The following GPHN variants were observed in gnomAD, a reference collection of about 807,000 sequenced individuals.
GPHN encodes the protein gephyrin.
In GPHN, 17 loss-of-function variants were observed where a neutral mutation model predicts 95.5. The observed-to-expected ratio is 0.18, with a 90% CI of 0.12 to 0.27. GPHN has a LOEUF of 0.27. Among genes scored for constraint, GPHN ranks in the 10% least tolerant of loss-of-function variants. The pLI, the probability that GPHN is intolerant of heterozygous loss-of-function variation, is 1.00. For synonymous variants in GPHN, 320 were observed against 322.5 expected (o/e 0.99, Z 0.08); for missense variants, 660 against 978.1 (o/e 0.67, Z 4.34).
At chr14:67,011,834 T>TTA (rs375784376) in intron 9 of GPHN, among the ~76,000 whole-genome samples, 19 of 148,076 alleles carry the variant, frequency 1.3e-4, no homozygotes, top group Middle Eastern at 3.6e-3. Context: ...TACACAGATT[T>TTA]TATATATATA....
At chr14:67,130,391 T>C (rs1369257686) in intron 17 of GPHN, among the ~76,000 whole-genome samples, 3 of 152,202 alleles carry the variant, frequency 2.0e-5, no homozygotes, top group African/African-American at 7.2e-5. Flanking sequence ...GTTCCTGCAT[T>C]AATTCAGTTA....
chr14:66,562,608 A>G (rs1180253206), intron 1 of GPHN, among the ~76,000 whole-genome samples: 1 of 152,164 alleles, frequency 6.6e-6, no homozygotes. Context: ...CCTTTTAACC[A>G]AAGAATAATT....
At chr14:67,111,661 T>A (rs2078381409) in intron 14 of GPHN, among the ~76,000 whole-genome samples, 200 bp from the exon 15 acceptor site, 1 of 152,180 alleles carries the variant, frequency 6.6e-6, no homozygotes. Flanking sequence ...AAAAAATTTT[T>A]TATTTATTGG....
intron 4 of GPHN, among the ~76,000 whole-genome samples, chr14:66,846,963 G>T (rs890413458): frequency 1.3e-5 from 2 of 152,014 alleles, no homozygotes; most frequent in Admixed American, 6.6e-5. Flanking sequence ...CTGTCAGAAG[G>T]TTTAGTCATA....
the GPHN span, among the ~76,000 whole-genome samples, chr14:67,629,179 G>GA: frequency 5.3e-5 from 8 of 151,944 alleles, no homozygotes; most frequent in South Asian, 2.1e-4. Flanking sequence ...ACAGTGGGGG[G>GA]AAAAAAATTA....
intron 1 of GPHN, among the ~76,000 whole-genome samples, chr14:66,652,028 A>G (rs2065067956): frequency 6.6e-6 from 1 of 152,152 alleles, no homozygotes; most frequent in South Asian, 2.1e-4. Context: ...ATTGTCTTCC[A>G]TGAAACTAGT....
intron 9 of GPHN, among the ~76,000 whole-genome samples, chr14:66,981,477 A>AT (rs1226551581): frequency 6.6e-6 from 1 of 152,168 alleles, no homozygotes; most frequent in Non-Finnish European, 1.5e-5. Flanking sequence ...TTAAAAAAAA[A>AT]ATCTCTTTCT....
chr14:67,587,020 C>G, the GPHN span: 1 of 1,533,626 alleles, frequency 6.5e-7, no homozygotes, highest in Non-Finnish European at 8.8e-7. Flanking sequence ...GTAAGAAAGC[C>G]AGGATTCAAG....
At chr14:67,693,332 T>C in the GPHN span, among the ~76,000 whole-genome samples, 1 of 152,218 alleles carries the variant, frequency 6.6e-6, no homozygotes, top group African/African-American at 2.4e-5. Flanking sequence ...GGCACCTGGC[T>C]TTGGTTTGAG....
At chr14:67,695,499 C>T in the GPHN span, 2 of 863,578 alleles carry the variant, frequency 2.3e-6, no homozygotes, top group African/African-American at 3.4e-5. Context: ...CTCCAACCCA[C>T]CGAACTCTGG....
intron 3 of GPHN, among the ~76,000 whole-genome samples, chr14:66,819,304 A>G (rs1555414191): frequency 1.3e-5 from 2 of 152,130 alleles, no homozygotes; most frequent in Admixed American, 6.6e-5. Flanking sequence ...TTTTCTGCAT[A>G]TGGCTAGCCA....
the GPHN span, chr14:67,575,430 T>C: frequency 1.9e-6 from 3 of 1,610,472 alleles, no homozygotes; most frequent in South Asian, 1.1e-5. Context: ...GGTGCGCTCT[T>C]GTTGGGAAAA....
the GPHN span, among the ~76,000 whole-genome samples, chr14:67,618,675 G>C: frequency 6.6e-6 from 1 of 152,150 alleles, no homozygotes; most frequent in Non-Finnish European, 1.5e-5. Context: ...GTCACCATGT[G>C]CAGCCAGTTT....
At chr14:66,860,356 A>G (rs1400341054) in intron 4 of GPHN, among the ~76,000 whole-genome samples, 1 of 152,140 alleles carries the variant, frequency 6.6e-6, no homozygotes, top group Non-Finnish European at 1.5e-5. Context: ...GTTTTGCTCT[A>G]GAACAGTATA....
the GPHN span, chr14:67,678,142 C>T: frequency 1.8e-6 from 1 of 545,988 alleles, no homozygotes; most frequent in Admixed American, 3.2e-5. Context: ...CTGGACATGA[C>T]AGACATTTAG....
At chr14:67,659,639 C>T in the GPHN span, 1 of 1,313,696 alleles carries the variant, frequency 7.6e-7, no homozygotes, top group Non-Finnish European at 1.0e-6. Context: ...CTAGTATACA[C>T]TGATAACATG....
At chr14:67,391,423 C>T in the GPHN span, among the ~76,000 whole-genome samples, 2 of 151,870 alleles carry the variant, frequency 1.3e-5, no homozygotes, top group African/African-American at 2.4e-5. Flanking sequence ...CTAGGGGCCT[C>T]TCTTCCTCCC....
the GPHN span, among the ~76,000 whole-genome samples, chr14:67,486,682 G>A: frequency 6.6e-6 from 1 of 152,112 alleles, no homozygotes; most frequent in Non-Finnish European, 1.5e-5. Context: ...ATGATTGTGA[G>A]GCTTCCCCAG....
chr14:67,597,160 T>C, the GPHN span, among the ~76,000 whole-genome samples: 2 of 152,238 alleles, frequency 1.3e-5, no homozygotes, highest in Admixed American at 1.3e-4. Context: ...CAGAACCTGC[T>C]ATATTTACTA....
Sources: allele counts gnomAD v4.1 joint callset (sites outside exome capture counted in the v4.1 genomes callset), GRCh38; gene constraint gnomAD v4.1.1; transcripts MANE v1.5; gene names NCBI Gene and HGNC (gene_info 2026-07-23, HGNC 2026-07-21).